Variants in MED16 observed in about 807,000 individuals in gnomAD.
MED16 encodes the protein mediator complex subunit 16.
MED16 carries 81 observed loss-of-function variants against 84.4 expected under a neutral mutation model. That is an observed-to-expected ratio of 0.96 (90% CI 0.80 to 1.15). The LOEUF is 1.15. MED16 is among the 50% of genes most tolerant of loss of function. The pLI, the probability that MED16 is intolerant of heterozygous loss-of-function variation, is 0.00. For missense variants in MED16, 1,585 were observed against 1,245.9 expected, an observed-to-expected ratio of 1.27 and a Z score of -4.10; for synonymous variants, 897 against 552.2, an observed-to-expected ratio of 1.62 and a Z score of -8.76.
intron 13 of MED16, among the ~76,000 whole-genome samples, chr19:870,046 C>A (rs1211582445): frequency 6.6e-6 from 1 of 152,182 alleles, no homozygotes; most frequent in Non-Finnish European, 1.5e-5. Context: ...CCCGCACATT[C>A]CAGAGAAAGG....
rs904637988 is a variant in MED16, at chr19:868,580, G to A, written c.2400-81C>T. The A allele has an allele frequency of 1.7e-5, 27 of 1,556,950 alleles. No individual in the cohort carries two copies. The South Asian group carries it at 2.2e-4, about 12-fold the overall frequency. On this transcript the variant is annotated intron_variant, in intron 14 of 15. Transcript: ENST00000325464. ...CCTGCCCCACTTTTGCTTCCAGGCA[G>A]GTCTCCCTCTGCTCGCCGTCCCTCA...
At chr19:877,295 C>CCTG in intron 8 of MED16, 115 bp from the exon 9 acceptor site, 3 of 941,262 alleles carry the variant, frequency 3.2e-6, no homozygotes, top group Non-Finnish European at 4.8e-6. Context: ...CGCGCACGCC[C>CCTG]GTGTGTGGGC....
At position 891,037 on chromosome 19, in the gene MED16, G is replaced by A. The variant is rs774535320; in HGVS notation, c.95C>T (p.Ser32Leu). The A allele has an allele frequency of 1.1e-5, 18 of 1,613,994 alleles. No individual in the cohort carries two copies. Among genetic ancestry groups the A allele is most frequent in the Middle Eastern group, 1.6e-4 (1 of 6,084 alleles). ...GGACCAGGCGCAGGCCAGGGGCACCGATGGGCAGTGGGTGCTCTTGGACCA... is the reference window on the plus strand; with the variant it reads ...GGACCAGGCGCAGGCCAGGGGCACCAATGGGCAGTGGGTGCTCTTGGACCA... ...EKWSKSTHCP[S>L]VPLACAWSCR... The change falls in exon 2 of 16, where the codon TCG (serine) becomes TTG (leucine). Residue 32 changes from serine (S) to leucine (L), a missense_variant. Coordinates refer to ENST00000325464, the MANE Select transcript of MED16 (RefSeq NM_005481.3).
chr19:878,237 C>G (rs1599329683), intron 8 of MED16, among the ~76,000 whole-genome samples: 1 of 35,622 alleles, frequency 2.8e-5, no homozygotes, highest in Non-Finnish European at 5.2e-5. Flanking sequence ...GCCCACCAGC[C>G]CCAGCCCCAG....
chr19:884,765 T>C (rs2036491252), intron 6 of MED16, 138 bp downstream of exon 6: 1 of 669,098 alleles, frequency 1.5e-6, no homozygotes, highest in Non-Finnish European at 2.6e-6. Flanking sequence ...CTAGCACTAC[T>C]GGAGATCGAG....
In MED16 at chr19:871,957, G is replaced by T. The variant is rs576908813; in HGVS notation, c.2067C>A (p.Leu689=). Residue 689 remains leucine, a synonymous_variant, in exon 12 of 16, where the codon CTC becomes CTA. Transcript: ENST00000325464. ...TSDTQDSMSL[L]FRLLTKLWIC... The stretch of plus-strand genomic sequence containing the variant: ...TCCAGAGCTTGGTGAGCAGGCGGAA[G>T]AGCAGGGACATGCTGTCCTGGGTAT... The T allele has an allele frequency of 3.1e-6, 5 of 1,605,462 alleles. No homozygotes were observed. The African/African-American group carries it at 5.5e-5, about 18-fold the overall frequency.
Position 868,040 on chromosome 19 carries a change from C to A in MED16, c.*61G>T. 3 of 1,539,544 alleles carry A rather than the reference C, an allele frequency of 1.9e-6. No individual in the cohort carries two copies. Among genetic ancestry groups the A allele is most frequent in the South Asian group, 2.5e-5 (2 of 80,428 alleles). ...GGTTCAGCGCTCTCCGCGGGTGAGGCAAGGAAACCGAGGAGACGCCCGAGC... is the reference window on the plus strand; with the variant it reads ...GGTTCAGCGCTCTCCGCGGGTGAGGAAAGGAAACCGAGGAGACGCCCGAGC... On this transcript the variant is annotated 3_prime_UTR_variant, in exon 16 of 16. Transcript: ENST00000325464.
In MED16 at chr19:881,566, A is replaced by G; in HGVS notation, c.1134T>C (p.Pro378=). 6.2e-7 allele frequency: 1 copy of G among 1,610,570 alleles called. No homozygotes were observed. The highest frequency in any genetic ancestry group is 8.5e-7 in the Non-Finnish European group (1 of 1,178,720). Reference sequence around the variant, plus strand: ...CCGCTGGCTCCACCGTACCGAGGCCAGGGTAGAACTGTGTGTCGCTGGCCA... The same window carrying G: ...CCGCTGGCTCCACCGTACCGAGGCCGGGGTAGAACTGTGTGTCGCTGGCCA... ...LKVASDTQFY[P]GLGLALAFHD... is the part of the protein sequence containing the mutation. Residue 378 remains proline, a synonymous_variant, in exon 7 of 16, where the codon CCT becomes CCC. Transcript: ENST00000325464.
At chr19:878,927 C>T (rs1432273948) in intron 8 of MED16, among the ~76,000 whole-genome samples, 1 of 58,912 alleles carries the variant, frequency 1.7e-5, no homozygotes, top group Non-Finnish European at 3.6e-5. Context: ...GCCCCGGCCC[C>T]GGCCCCGGCC....
chr19:889,899 G>T, intron 3 of MED16, 92 bp from the exon 4 acceptor site: 1 of 1,446,788 alleles, frequency 6.9e-7, no homozygotes, highest in Non-Finnish European at 9.2e-7. Context: ...AGCCAGCCCA[G>T]TGGAGAGGTC....
chr19:893,031 G>C (rs879645730), intron 1 of MED16, 55 bp downstream of exon 1: 2 of 152,686 alleles, frequency 1.3e-5, no homozygotes, highest in East Asian at 1.9e-4. Flanking sequence ...TCGGGTCCGT[G>C]GACACGGTCA....
rs752815493 is a variant in MED16 at position 886,019 on chromosome 19, G to A, written c.630C>T (p.Arg210=). The part of the protein sequence containing the change: ...LTSTESLCRL[R]GRVALADIAF... ...CGATGTCGGCCAGGGCCACGCGGCC[G>A]CGCAGCCGGCACAGGCTCTCGGTGG... is the stretch of plus-strand genomic sequence containing the variant. Residue 210 remains arginine, a synonymous_variant, in exon 5 of 16, where the codon CGC becomes CGT. Coordinates refer to ENST00000325464, the MANE Select transcript of MED16 (RefSeq NM_005481.3). The A allele has an allele frequency of 8.7e-6, 14 of 1,600,654 alleles. No individual in the cohort carries two copies. The highest frequency in any genetic ancestry group is 2.7e-5 in the African/African-American group (2 of 74,722).
chr19:877,763 CCACCAGCCCCAG>C (rs2036288884), intron 8 of MED16, among the ~76,000 whole-genome samples: 3 of 108,476 alleles, frequency 2.8e-5, no homozygotes, highest in East Asian at 2.4e-4. Context: ...TTGTCAATGC[CCACCAGCCCCAG>C]CCCCAGCCCC....
intron 2 of MED16, 97 bp downstream of exon 2, chr19:890,866 A>T (rs1322466928): frequency 2.2e-6 from 3 of 1,335,462 alleles, no homozygotes; most frequent in Non-Finnish European, 3.0e-6. Context: ...AGGTGGCCTG[A>T]GAGACCGAGT....
In MED16 at chr19:868,959, G is replaced by T; in HGVS notation, c.2316-13C>A. ...CTGGCCTGGGGCCCTGGCGGGAGAG[G>T]GGAGAACGTGAGGGAGGCCTGGGCA... On this transcript the variant is annotated splice_polypyrimidine_tract_variant and intron_variant, in intron 13 of 15. Transcript: ENST00000325464. The T allele has an allele frequency of 1.3e-6, 2 of 1,532,208 alleles. No individual in the cohort carries two copies. Among genetic ancestry groups the T allele is most frequent in the East Asian group, 2.4e-5 (1 of 41,472 alleles). 94.9% of individuals were successfully genotyped at this position (1,532,208 alleles called of 1,614,324 possible). A position where few individuals can be genotyped will look rare whatever the true frequency, so the allele number is the denominator to read the frequency against.
rs796625127 is a variant in MED16 at position 890,853 on chromosome 19, G to T, written c.169+110C>A. The T allele has an allele frequency of 2.2e-5, 27 of 1,207,344 alleles. No homozygotes were observed. The African/African-American group carries it at 4.1e-4, about 18-fold the overall frequency. The allele number at this position is 1,207,344 out of a possible 1,614,324, so 74.8% of individuals were successfully genotyped here. On this transcript the variant is annotated intron_variant, in intron 2 of 15. Coordinates refer to ENST00000325464, the MANE Select transcript of MED16 (RefSeq NM_005481.3). ...GTTACAGAGGAGGGCCAGGGTGAGT[G>T]AGAGGTGGCCTGAGAGACCGAGTCC...
intron 14 of MED16, 147 bp downstream of exon 14, chr19:868,716 A>G (rs1359418672): frequency 1.9e-6 from 2 of 1,064,400 alleles, no homozygotes; most frequent in Non-Finnish European, 2.7e-6. Flanking sequence ...ACTGCTCCAC[A>G]TCCTGGGATC....
intron 14 of MED16, 114 bp from the exon 15 acceptor site, chr19:868,613 T>TCC: frequency 7.4e-7 from 1 of 1,350,826 alleles, no homozygotes; most frequent in Middle Eastern, 2.4e-4. Context: ...TCACGCCTGC[T>TCC]CCCCACGTCC....
At chr19:872,926 T>C (rs1408721352) in intron 11 of MED16, 1 of 1,003,100 alleles carries the variant, frequency 1.0e-6, no homozygotes, top group Non-Finnish European at 1.2e-6. Context: ...AGAGGCTTCA[T>C]GGAGAGGAGG....
Sources: allele counts gnomAD v4.1 joint callset (sites outside exome capture counted in the v4.1 genomes callset), GRCh38; gene constraint gnomAD v4.1.1; transcripts MANE v1.5; gene names NCBI Gene and HGNC (gene_info 2026-07-23, HGNC 2026-07-21).